Variants in SGIP1 observed in about 807,000 individuals in gnomAD.
The protein encoded by SGIP1 is SH3-containing GRB2-like protein 3-interacting protein 1.
In SGIP1, 38 loss-of-function variants were observed where a neutral mutation model predicts 107.5. The observed-to-expected ratio is 0.35, with a 90% CI of 0.27 to 0.46. SGIP1 has a LOEUF of 0.46. Among genes scored for constraint, SGIP1 ranks in the 20% least tolerant of loss-of-function variants. The pLI is 1.00. For missense variants in SGIP1, 929 were observed against 1,019.5 expected (o/e 0.91, Z 1.21); for synonymous variants, 365 against 366.1 (o/e 1.00, Z 0.03).
At chr1:66,591,358 G>C (rs1473534890) in intron 1 of SGIP1, among the ~76,000 whole-genome samples, 1 of 152,208 alleles carries the variant, frequency 6.6e-6, no homozygotes, top group Admixed American at 6.5e-5. Context: ...GAATGATCTA[G>C]GTGATGAACA....
At position 66,746,774 on chromosome 1, in the gene SGIP1, A is replaced by C. The variant is rs2150817710; in HGVS notation, c.*3679A>C. On this transcript the variant is annotated 3_prime_UTR_variant, in exon 25 of 25. Transcript: ENST00000371037. ...TAATTGCTTTGTCCACCCTGAACAA[A>C]ACAATCTGTTTTATGTCACTATACG... is the stretch of plus-strand genomic sequence containing the variant. The C allele has an allele frequency of 6.6e-6, 1 of 152,230 alleles. No individual in the cohort carries two copies. Among genetic ancestry groups the C allele is most frequent in the Non-Finnish European group, 1.5e-5 (1 of 67,960 alleles). 9.4% of individuals were successfully genotyped at this position (152,230 alleles called of 1,614,324 possible). A position where few individuals can be genotyped will look rare whatever the true frequency, so the allele number is the denominator to read the frequency against.
chr1:66,578,627 C>T (rs1338945959), intron 1 of SGIP1, among the ~76,000 whole-genome samples: 2 of 152,180 alleles, frequency 1.3e-5, no homozygotes, highest in African/African-American at 2.4e-5. Context: ...TCAAACAGTA[C>T]ATATCCTACG....
At chr1:66,628,102 A>G (rs1470574784) in intron 2 of SGIP1, among the ~76,000 whole-genome samples, 1 of 152,150 alleles carries the variant, frequency 6.6e-6, no homozygotes, top group East Asian at 1.9e-4. Flanking sequence ...GCTGCATAGT[A>G]TTCCATGGTG....
intron 17 of SGIP1, among the ~76,000 whole-genome samples, chr1:66,693,382 G>GT (rs2090281413): frequency 6.6e-6 from 1 of 152,076 alleles, no homozygotes; most frequent in Non-Finnish European, 1.5e-5. Context: ...TAGAGAAATT[G>GT]CTTAAAGTTA....
chr1:66,718,172 A>T (rs570757306), intron 18 of SGIP1, among the ~76,000 whole-genome samples: 1 of 152,298 alleles, frequency 6.6e-6, no homozygotes, highest in African/African-American at 2.4e-5. Flanking sequence ...GACAAAAGTT[A>T]TTGAAGGCAA....
intron 1 of SGIP1, among the ~76,000 whole-genome samples, chr1:66,589,206 A>ATGTGTGTGTG (rs1414306276): frequency 1.6e-5 from 1 of 63,308 alleles, no homozygotes; most frequent in African/African-American, 5.2e-5. Context: ...ATATATATAT[A>ATGTGTGTGTG]TATATATATA....
At chr1:66,563,247 C>G (rs1338224298) in intron 1 of SGIP1, among the ~76,000 whole-genome samples, 1 of 151,902 alleles carries the variant, frequency 6.6e-6, no homozygotes, top group Non-Finnish European at 1.5e-5. Flanking sequence ...AGGGCCGGCA[C>G]GGGAGGTACT....
chr1:66,587,537 T>C (rs1013822817), intron 1 of SGIP1, among the ~76,000 whole-genome samples: 2 of 152,158 alleles, frequency 1.3e-5, no homozygotes, highest in Non-Finnish European at 2.9e-5. Flanking sequence ...GCAGTGTTTA[T>C]ATGACTTTTT....
intron 1 of SGIP1, among the ~76,000 whole-genome samples, chr1:66,542,467 G>A (rs939726667): frequency 4.6e-5 from 7 of 152,150 alleles, no homozygotes; most frequent in Admixed American, 4.6e-4. Flanking sequence ...GTGACACAGC[G>A]TTAGGCTGCC....
chr1:66,685,885 G>T (rs1447722811), intron 15 of SGIP1, among the ~76,000 whole-genome samples: 1 of 152,116 alleles, frequency 6.6e-6, no homozygotes, highest in African/African-American at 2.4e-5. Flanking sequence ...ATGTTTCAGG[G>T]CTTTTAATGT....
chr1:66,667,640 A>G, intron 9 of SGIP1, 99 bp downstream of exon 9: 1 of 994,266 alleles, frequency 1.0e-6, no homozygotes, highest in Non-Finnish European at 1.6e-6. Flanking sequence ...ATGATAACCC[A>G]GTGTGAATGA....
chr1:66,607,907 C>T (rs2067167088), intron 1 of SGIP1, among the ~76,000 whole-genome samples: 1 of 152,134 alleles, frequency 6.6e-6, no homozygotes, highest in South Asian at 2.1e-4. Flanking sequence ...CCAGATAGAG[C>T]AGATGTTCCC....
intron 1 of SGIP1, among the ~76,000 whole-genome samples, chr1:66,546,158 G>A (rs1348428165): frequency 6.6e-6 from 1 of 152,234 alleles, no homozygotes; most frequent in East Asian, 1.9e-4. Context: ...CACATCAGAG[G>A]TCCCAGTAAA....
chr1:66,566,760 G>A (rs1039999140), intron 1 of SGIP1, among the ~76,000 whole-genome samples: 3 of 151,820 alleles, frequency 2.0e-5, no homozygotes, highest in East Asian at 3.9e-4. Context: ...TTGTTACATA[G>A]GTATACATGT....
At chr1:66,679,319 C>T (rs577632534) in intron 13 of SGIP1, among the ~76,000 whole-genome samples, 4 of 152,226 alleles carry the variant, frequency 2.6e-5, no homozygotes, top group Admixed American at 6.5e-5. Flanking sequence ...GTCATAAATC[C>T]CTTGAGGCCA....
intron 19 of SGIP1, among the ~76,000 whole-genome samples, chr1:66,726,536 A>G (rs2093765752): frequency 1.3e-5 from 2 of 152,228 alleles, no homozygotes; most frequent in African/African-American, 4.8e-5. Flanking sequence ...AAATAGACCA[A>G]ATAAATCTAT....
At chr1:66,572,389 C>G (rs1300781228) in intron 1 of SGIP1, among the ~76,000 whole-genome samples, 1 of 152,012 alleles carries the variant, frequency 6.6e-6, no homozygotes. Context: ...TTTAGAGAAA[C>G]ACTGAGACTT....
chr1:66,548,646 A>G (rs1158778376), intron 1 of SGIP1, among the ~76,000 whole-genome samples: 1 of 152,120 alleles, frequency 6.6e-6, no homozygotes, highest in Non-Finnish European at 1.5e-5. Context: ...TCATTTCGTC[A>G]CTGAGGCTTT....
At chr1:66,576,401 G>A (rs2061070832) in intron 1 of SGIP1, among the ~76,000 whole-genome samples, 1 of 152,162 alleles carries the variant, frequency 6.6e-6, no homozygotes, top group African/African-American at 2.4e-5. Flanking sequence ...TTCAAAGTCT[G>A]GCTGAGCCGC....
Sources: gnomAD v4.1 joint callset for allele counts (sites outside exome capture counted in the v4.1 genomes callset) on GRCh38, gnomAD v4.1.1 for gene constraint, MANE v1.5 for transcripts, NCBI Gene and HGNC (gene_info 2026-07-23, HGNC 2026-07-21) for gene names.